The following CTNNA3 variants were observed in gnomAD, a reference collection of about 807,000 sequenced individuals.
CTNNA3 encodes catenin alpha-3.
Under a neutral mutation model 95.7 loss-of-function variants are expected in CTNNA3, and 76 were observed. That is an observed-to-expected ratio of 0.79 (90% CI 0.66 to 0.96). The LOEUF (loss-of-function observed/expected upper bound fraction) is 0.96, where lower values mean the gene tolerates loss of function less well. CTNNA3 is among the 40% of genes least tolerant of loss of function. The pLI is 0.00. For missense variants in CTNNA3, 1,191 were observed against 1,089.8 expected (o/e 1.09, Z -1.31); for synonymous variants, 431 against 374.4 (o/e 1.15, Z -1.74).
chr10:67,699,563 G>A (rs989835586), upstream of CTNNA3, among the ~76,000 whole-genome samples: 12 of 152,200 alleles, frequency 7.9e-5, no homozygotes, highest in Admixed American at 2.6e-4. Context: ...CCAGGTACAC[G>A]CTAAGGAATT....
At chr10:66,057,805 G>A (rs1009658991) in intron 15 of CTNNA3, among the ~76,000 whole-genome samples, 2 of 152,184 alleles carry the variant, frequency 1.3e-5, no homozygotes, top group East Asian at 3.9e-4. Flanking sequence ...TTTCTTAAAA[G>A]TATAAGCTGA....
At chr10:67,727,946 A>G (rs1372495807) in intron 1 of CTNNA3, among the ~76,000 whole-genome samples, 1 of 136,180 alleles carries the variant, frequency 7.3e-6, no homozygotes, top group Non-Finnish European at 1.5e-5. Flanking sequence ...TATGTAGAAT[A>G]TAGTATGTAT....
At chr10:66,636,272 C>T (rs993605496) in intron 9 of CTNNA3, among the ~76,000 whole-genome samples, 6 of 152,026 alleles carry the variant, frequency 3.9e-5, no homozygotes, top group East Asian at 1.9e-4. Context: ...GGCCCTTTAA[C>T]GTTAGCAGGG....
rs1564690564 is a variant in CTNNA3, at chr10:67,493,215, A to AGG, written c.579+28626_579+28627insCC. On this transcript the variant is annotated intron_variant, in intron 5 of 17. Transcript: ENST00000433211. ...TTCACCTAGCTCAACGTGGGGGAAA[A>AGG]AAAAAAAAAAGCTCGCAAAAGGAAT... Among the ~76,000 whole-genome samples, 27 of 151,522 alleles carry AGG rather than the reference A, an allele frequency of 1.8e-4. 1 individual carries two copies. Among genetic ancestry groups the AGG allele is most frequent in the South Asian group, 1.3e-3 (6 of 4,786 alleles).
chr10:67,158,700 T>C (rs1257604481), intron 7 of CTNNA3, among the ~76,000 whole-genome samples: 1 of 152,180 alleles, frequency 6.6e-6, no homozygotes, highest in Non-Finnish European at 1.5e-5. Context: ...ATAAAAGTTA[T>C]GATAGTAATA....
intron 9 of CTNNA3, among the ~76,000 whole-genome samples, chr10:66,719,654 A>G (rs1277886149): frequency 1.3e-5 from 2 of 152,170 alleles, no homozygotes; most frequent in African/African-American, 2.4e-5. Flanking sequence ...ATATACCTGC[A>G]GCAGCATGCC....
intron 5 of CTNNA3, among the ~76,000 whole-genome samples, chr10:67,491,550 T>C (rs942306230): frequency 6.6e-6 from 1 of 152,170 alleles, no homozygotes; most frequent in Non-Finnish European, 1.5e-5. Context: ...ATCATGCAGC[T>C]GTAACAGTAT....
chr10:65,964,374 T>C (rs921689160), intron 17 of CTNNA3, among the ~76,000 whole-genome samples: 6 of 152,198 alleles, frequency 3.9e-5, no homozygotes, highest in Non-Finnish European at 8.8e-5. Context: ...AGTGAGATGA[T>C]GACAGATAGT....
chr10:66,045,858 A>G (rs2133514642), intron 15 of CTNNA3, among the ~76,000 whole-genome samples: 1 of 152,296 alleles, frequency 6.6e-6, no homozygotes, highest in South Asian at 2.1e-4. Context: ...TTCATGGAAC[A>G]CCTATACAAT....
intron 13 of CTNNA3, among the ~76,000 whole-genome samples, chr10:66,233,066 A>C (rs2089666586): frequency 6.8e-6 from 1 of 147,746 alleles, no homozygotes. Context: ...AGGCTGAGGC[A>C]GGAGAATGGC....
intron 15 of CTNNA3, among the ~76,000 whole-genome samples, chr10:65,999,395 CTA>C (rs1159892981): frequency 4.6e-5 from 7 of 152,108 alleles, no homozygotes; most frequent in Non-Finnish European, 8.8e-5. Flanking sequence ...CCTCAAAATA[CTA>C]TGTTTCCCAG....
chr10:66,476,155 T>C (rs1482119568), intron 11 of CTNNA3, among the ~76,000 whole-genome samples: 1 of 151,932 alleles, frequency 6.6e-6, no homozygotes, highest in African/African-American at 2.4e-5. Flanking sequence ...AAGTGGAAGC[T>C]GAACAATGAG....
intron 9 of CTNNA3, among the ~76,000 whole-genome samples, chr10:66,720,224 T>C (rs1848582413): frequency 6.9e-6 from 1 of 145,956 alleles, no homozygotes; most frequent in African/African-American, 2.4e-5. Context: ...AGAAAAGAGA[T>C]AAATAGAAGG....
At chr10:67,152,943 T>C (rs1861150232) in intron 7 of CTNNA3, among the ~76,000 whole-genome samples, 1 of 152,090 alleles carries the variant, frequency 6.6e-6, no homozygotes, top group African/African-American at 2.4e-5. Flanking sequence ...ATTACCAGTT[T>C]TCAATTCACA....
intron 13 of CTNNA3, among the ~76,000 whole-genome samples, chr10:66,205,685 T>G (rs1435405762): frequency 6.6e-6 from 1 of 151,960 alleles, no homozygotes; most frequent in Non-Finnish European, 1.5e-5. Context: ...ACTTTAAAAT[T>G]TGGTAAATGT....
At chr10:66,824,894 T>C (rs1380827132) in intron 7 of CTNNA3, among the ~76,000 whole-genome samples, 1 of 152,144 alleles carries the variant, frequency 6.6e-6, no homozygotes, top group African/African-American at 2.4e-5. Context: ...GTGTGGAGTT[T>C]GGTTAACATT....
At chr10:67,266,183 A>G (rs1866819383) in intron 5 of CTNNA3, among the ~76,000 whole-genome samples, 1 of 152,204 alleles carries the variant, frequency 6.6e-6, no homozygotes, top group Non-Finnish European at 1.5e-5. Context: ...ACAATCTTAA[A>G]ATAAGGACAG....
At chr10:66,664,829 C>A (rs144128965) in intron 9 of CTNNA3, among the ~76,000 whole-genome samples, 7 of 149,266 alleles carry the variant, frequency 4.7e-5, no homozygotes, top group Non-Finnish European at 5.9e-5. Flanking sequence ...TTTGTCCTTA[C>A]GACAATATTA....
intron 5 of CTNNA3, among the ~76,000 whole-genome samples, chr10:67,473,094 C>T (rs1847886891): frequency 6.6e-6 from 1 of 152,134 alleles, no homozygotes; most frequent in African/African-American, 2.4e-5. Context: ...AACAGTACAA[C>T]AAATTAATGT....
Sources: gnomAD v4.1 joint callset for allele counts (sites outside exome capture counted in the v4.1 genomes callset) on GRCh38, gnomAD v4.1.1 for gene constraint, MANE v1.5 for transcripts, NCBI Gene and HGNC (gene_info 2026-07-23, HGNC 2026-07-21) for gene names.